Variants in PIK3C2A observed in about 807,000 individuals in gnomAD.
The protein encoded by PIK3C2A is phosphatidylinositol-4-phosphate 3-kinase catalytic subunit type 2 alpha.
A neutral mutation model predicts 204.5 loss-of-function variants in PIK3C2A; 97 were observed. The ratio of observed to expected loss-of-function variants is 0.47; its 90% CI spans 0.40 to 0.56. The LOEUF (loss-of-function observed/expected upper bound fraction) is 0.56. Ranked by LOEUF, PIK3C2A falls within the 20% of genes least tolerant of loss-of-function variation. The pLI is 0.00. For synonymous variants in PIK3C2A, 653 were observed against 664.4 expected (o/e 0.98, Z 0.26); for missense variants, 1,735 against 1,969.2 (o/e 0.88, Z 2.25).
intron 8 of PIK3C2A, chr11:17,138,074 A>G: frequency 2.9e-6 from 2 of 688,390 alleles, no homozygotes; most frequent in Non-Finnish European, 5.3e-6. Context: ...TCACTAACAC[A>G]TTTAGCACAC....
At chr11:17,106,874 A>G (rs1452094802) in intron 22 of PIK3C2A, among the ~76,000 whole-genome samples, 1 of 152,276 alleles carries the variant, frequency 6.6e-6, no homozygotes, top group Non-Finnish European at 1.5e-5. Flanking sequence ...AGAACCTTCC[A>G]GAATACGTTA....
intron 15 of PIK3C2A, 69 bp from the exon 16 acceptor site, chr11:17,120,043 T>A: frequency 1.5e-6 from 1 of 653,580 alleles, no homozygotes; most frequent in Non-Finnish European, 2.4e-6. Flanking sequence ...TGATTAAAAA[T>A]ACAAAGAAGA....
At chr11:17,107,998 G>A (rs1411105201) in intron 22 of PIK3C2A, among the ~76,000 whole-genome samples, 1 of 152,136 alleles carries the variant, frequency 6.6e-6, no homozygotes, top group African/African-American at 2.4e-5. Flanking sequence ...GAGCCTCCCA[G>A]CAGCCAGGAC....
At chr11:17,166,229 A>G (rs1434433757) in intron 2 of PIK3C2A, among the ~76,000 whole-genome samples, 7 of 152,198 alleles carry the variant, frequency 4.6e-5, no homozygotes, top group Non-Finnish European at 1.0e-4. Context: ...TTTCTGTCTC[A>G]GTGATTAAAA....
At chr11:17,133,095 G>A (rs1849752473) in intron 11 of PIK3C2A, among the ~76,000 whole-genome samples, 1 of 152,074 alleles carries the variant, frequency 6.6e-6, no homozygotes, top group Non-Finnish European at 1.5e-5. Context: ...ATACCCCTAA[G>A]CAAACTATTT....
Position 17,134,979 on chromosome 11 carries a change from C to T in PIK3C2A, c.1948G>A (p.Ala650Thr). ...PVQVSINQLT[A>T]AIYDLLRLHA... ...AGTCTGAGAAGATCATAAATTGCTG[C>T]AGTTAATTGGTTTATGCTTACTTGA... is the stretch of plus-strand genomic sequence containing the variant. The change falls in exon 11 of 33, where the codon GCA becomes ACA. Residue 650 changes from alanine (A) to threonine (T), a missense_variant. Ala to Thr is a moderately conservative substitution (Grantham distance 58). Coordinates refer to ENST00000691414, the MANE Select transcript of PIK3C2A (RefSeq NM_002645.4). The T allele has an allele frequency of 1.2e-6, 2 of 1,614,042 alleles. No individual in the cohort carries two copies. Among genetic ancestry groups the T allele is most frequent in the Non-Finnish European group, 1.7e-6 (2 of 1,179,976 alleles).
At position 17,089,871 on chromosome 11, in the gene PIK3C2A, T is replaced by A; in HGVS notation, c.4928A>T (p.Gln1643Leu). Residue 1643 changes from glutamine to leucine, a missense_variant, in exon 33 of 33, where the codon CAA becomes CTA. Gln to Leu is a moderately radical substitution (Grantham distance 113). This residue lies in a region of PIK3C2A where 503 missense variants were observed against 669.0 expected (regional missense o/e 0.75). Coordinates refer to ENST00000691414, the MANE Select transcript of PIK3C2A (RefSeq NM_002645.4). ...AGATTCTGCACTGAGTACACTTAGT[T>A]GAAGTTCTCGCTGTCTTAGGGTTTC... ...SKETLRQRELQLSVLSAESLR... is the reference protein window; with the variant it reads ...SKETLRQRELLLSVLSAESLR... 6.2e-7 allele frequency: 1 copy of A among 1,613,328 alleles called. No homozygotes were observed. Among genetic ancestry groups the A allele is most frequent in the South Asian group, 1.1e-5 (1 of 90,956 alleles).
intron 28 of PIK3C2A, among the ~76,000 whole-genome samples, chr11:17,093,944 T>C (rs1233409170): frequency 6.6e-6 from 1 of 152,132 alleles, no homozygotes; most frequent in Non-Finnish European, 1.5e-5. Context: ...TGGCAGGATA[T>C]GACTTTTTTC....
chr11:17,190,171 G>A (rs982401524), intron 1 of PIK3C2A, among the ~76,000 whole-genome samples: 2 of 151,988 alleles, frequency 1.3e-5, no homozygotes, highest in African/African-American at 4.8e-5. Flanking sequence ...GCTGAGGCAG[G>A]AGAATTGCTT....
chr11:17,110,393 G>A, intron 22 of PIK3C2A, 39 bp downstream of exon 22: 1 of 1,551,750 alleles, frequency 6.4e-7, no homozygotes, highest in Non-Finnish European at 8.7e-7. Flanking sequence ...TAAGTTCAAG[G>A]AAAAAAATAA....
intron 8 of PIK3C2A, among the ~76,000 whole-genome samples, chr11:17,141,096 G>A (rs972862013): frequency 5.3e-5 from 8 of 152,092 alleles, no homozygotes; most frequent in Admixed American, 2.6e-4. Context: ...CATACTGTGC[G>A]GAACCTTGAA....
chr11:17,116,757 T>C (rs930586570), intron 19 of PIK3C2A, among the ~76,000 whole-genome samples: 21 of 151,968 alleles, frequency 1.4e-4, no homozygotes, highest in African/African-American at 5.1e-4. Flanking sequence ...GCCTGGCTAA[T>C]TTTTTGTATT....
Position 17,089,921 on chromosome 11 carries a change from C to T in PIK3C2A, c.4879-1G>A. The T allele has an allele frequency of 6.5e-7, 1 of 1,542,176 alleles. No individual in the cohort carries two copies. Among genetic ancestry groups the T allele is most frequent in the East Asian group, 2.3e-5 (1 of 43,502 alleles). On this transcript the variant is annotated splice_acceptor_variant, in intron 32 of 32. Transcript: ENST00000691414. LOFTEE classifies it high-confidence loss of function. ...CTTTGCTATATCCACTGTATACAAGCTACAACAAAGGAAAAAAGAACAGTA... is the reference window on the plus strand; with the variant it reads ...CTTTGCTATATCCACTGTATACAAGTTACAACAAAGGAAAAAAGAACAGTA...
rs1458568002 is a variant in PIK3C2A at position 17,155,522 on chromosome 11, T to C, written c.1169+4A>G. On this transcript the variant is annotated splice_donor_region_variant and intron_variant, in intron 3 of 32. Coordinates refer to ENST00000691414, the MANE Select transcript of PIK3C2A (RefSeq NM_002645.4). The stretch of plus-strand genomic sequence containing the variant: ...ATGAACATTTATAAAGAAAAATTCC[T>C]TACTTTGTAATGGATCGACAAAAAG... 1 of 1,513,452 alleles carries C rather than the reference T, an allele frequency of 6.6e-7. No individual in the cohort carries two copies. The highest frequency in any genetic ancestry group is 2.3e-5 in the East Asian group (1 of 44,132). The allele number at this position is 1,513,452 out of a possible 1,614,324, so 93.8% of individuals were successfully genotyped here. A position where few individuals can be genotyped will look rare whatever the true frequency, so the allele number is the denominator to read the frequency against.
At chr11:17,166,250 G>C (rs1050735869) in intron 2 of PIK3C2A, among the ~76,000 whole-genome samples, 1 of 152,008 alleles carries the variant, frequency 6.6e-6, no homozygotes, top group Non-Finnish European at 1.5e-5. Flanking sequence ...AAAAAATGCA[G>C]AAGAGTCCTT....
At chr11:17,134,796 T>C (rs1248029253) in intron 11 of PIK3C2A, 23 bp downstream of exon 11, 1 of 1,566,764 alleles carries the variant, frequency 6.4e-7, no homozygotes, top group Non-Finnish European at 8.8e-7. Flanking sequence ...CCACCATGCC[T>C]GGCTGCTTAA....
intron 1 of PIK3C2A, chr11:17,204,360 T>A (rs1852490506): frequency 6.6e-6 from 1 of 152,266 alleles, no homozygotes; most frequent in African/African-American, 2.4e-5. Context: ...CACTGCTTTA[T>A]ATATGTAGTC....
intron 1 of PIK3C2A, among the ~76,000 whole-genome samples, chr11:17,197,334 T>C (rs548072275): frequency 3.5e-4 from 53 of 152,252 alleles, no homozygotes; most frequent in Middle Eastern, 6.8e-3. Context: ...CTCCATTCTT[T>C]AGCCTCCATA....
chr11:17,152,446 C>T (rs55998333), intron 3 of PIK3C2A, among the ~76,000 whole-genome samples: 2,524 of 151,646 alleles, frequency 0.017, 33 homozygotes, highest in Non-Finnish European at 0.028. Context: ...TTTTTTGTAG[C>T]GAAATCTTTA....
Sources: gnomAD v4.1 joint callset for allele counts (sites outside exome capture counted in the v4.1 genomes callset) on GRCh38, gnomAD v4.1.1 for gene constraint, gnomAD v4.1.1 regional missense constraint, MANE v1.5 for transcripts, NCBI Gene and HGNC (gene_info 2026-07-23, HGNC 2026-07-21) for gene names.